Variants in NSD1 observed in about 807,000 individuals in gnomAD.
NSD1 encodes the protein histone-lysine N-methyltransferase, H3 lysine-36 specific.
Under a neutral mutation model 242.7 loss-of-function variants are expected in NSD1, and 26 were observed. That is an observed-to-expected ratio of 0.11 (90% CI 0.08 to 0.15). The LOEUF is 0.15. Among genes scored for constraint, NSD1 ranks in the 10% least tolerant of loss-of-function variants. The probability of loss-of-function intolerance (pLI) is 1.00; values close to 1 mark genes in which losing one functional copy is unlikely to be tolerated. For missense variants in NSD1, 2,495 were observed against 3,272.8 expected, an observed-to-expected ratio of 0.76 and a Z score of 5.80; for synonymous variants, 1,106 against 1,178.1, an observed-to-expected ratio of 0.94 and a Z score of 1.25.
intron 2 of NSD1, among the ~76,000 whole-genome samples, chr5:177,156,815 C>T (rs894256639): frequency 6.6e-6 from 1 of 151,822 alleles, no homozygotes; most frequent in African/African-American, 2.4e-5. Context: ...GGCAGATCTT[C>T]TGAGGTCAGG....
intron 17 of NSD1, among the ~76,000 whole-genome samples, chr5:177,278,801 A>G (rs1268548602): frequency 6.6e-6 from 1 of 152,256 alleles, no homozygotes; most frequent in Non-Finnish European, 1.5e-5. Flanking sequence ...TTAGAAGACT[A>G]AATTTGACTG....
At chr5:177,169,216 A>G (rs553963186) in intron 2 of NSD1, among the ~76,000 whole-genome samples, 9 of 152,088 alleles carry the variant, frequency 5.9e-5, no homozygotes, top group East Asian at 1.9e-4. Flanking sequence ...GCTTAAGTCT[A>G]TCCACTGAGC....
chr5:177,223,837 G>A lies in NSD1; in HGVS notation c.3796+11642G>A, dbSNP rs565509515. Among the ~76,000 whole-genome samples, 10 of 151,276 alleles carry A rather than the reference G, an allele frequency of 6.6e-5. No homozygotes were observed. In the East Asian group the frequency reaches 2.0e-3, roughly 30 times the overall value. On this transcript the variant is annotated intron_variant, in intron 5 of 22. Transcript: ENST00000439151. ...CTCATCTCTACTAAAAATACAAAAAGTAGTCAGGTGTAGTGACACATGCCT... is the reference window on the plus strand; with the variant it reads ...CTCATCTCTACTAAAAATACAAAAAATAGTCAGGTGTAGTGACACATGCCT...
At chr5:177,133,723 G>C (rs893912267), upstream of NSD1, 6 of 148,434 alleles carry the variant, frequency 4.0e-5, no homozygotes, top group African/African-American at 1.5e-4. This position sits in a 1 kb window ranked among gnomAD's most constrained non-coding sequence, Gnocchi z 6.2. Context: ...CGAGGCGCTC[G>C]GTCGCACGCG....
At chr5:177,202,701 G>A (rs1000691384) in intron 3 of NSD1, among the ~76,000 whole-genome samples, 1 of 152,110 alleles carries the variant, frequency 6.6e-6, no homozygotes, top group Admixed American at 6.6e-5. Context: ...TGACTCATGG[G>A]AGAGTGATTT....
At chr5:177,230,776 G>C (rs934283501) in intron 5 of NSD1, among the ~76,000 whole-genome samples, 2 of 150,000 alleles carry the variant, frequency 1.3e-5, no homozygotes, top group African/African-American at 4.9e-5. Flanking sequence ...GCTGTGAGCC[G>C]AGATCACACC....
chr5:177,271,172 C>T (rs182131947), intron 16 of NSD1, among the ~76,000 whole-genome samples: 30 of 152,178 alleles, frequency 2.0e-4, no homozygotes, highest in Non-Finnish European at 3.5e-4. Flanking sequence ...GAAATAGATA[C>T]CAGCAGTCGA....
intron 3 of NSD1, among the ~76,000 whole-genome samples, chr5:177,197,591 C>T (rs1762199493): frequency 2.0e-5 from 3 of 152,206 alleles, no homozygotes; most frequent in African/African-American, 4.8e-5. Context: ...CACTGCACTC[C>T]AGCCTGGGCG....
rs558302421 is a variant in NSD1, at chr5:177,135,870, C to T, written c.767C>T (p.Ala256Val). Residue 256 changes from alanine to valine, a missense_variant, in exon 2 of 23, where the codon GCC becomes GTC. Ala to Val is a moderately conservative substitution (Grantham distance 64). Around this residue, in one of 19 missense-constraint regions of NSD1, gnomAD observed 376 missense variants for 367.4 expected, o/e 1.02. Transcript: ENST00000439151. ...GSNEKAALLP[A>V]PFSLGDTNIT... Reference sequence around the variant, plus strand: ...AATGAAAAAGCAGCCCTTCTCCCAGCCCCCTTTTCACTAGGAGACACAAAC... The same window carrying T: ...AATGAAAAAGCAGCCCTTCTCCCAGTCCCCTTTTCACTAGGAGACACAAAC... 4.5e-5 allele frequency: 72 copies of T among 1,606,732 alleles called. No individual in the cohort carries two copies. The highest frequency in any genetic ancestry group is 5.9e-5 in the Non-Finnish European group (69 of 1,174,542).
intron 14 of NSD1, chr5:177,266,508 C>T (rs1169957280): frequency 1.1e-5 from 7 of 628,820 alleles, no homozygotes; most frequent in African/African-American, 3.7e-5. Flanking sequence ...ACGTCATGCC[C>T]TCGACGTTCG....
At chr5:177,221,460 A>C (rs1000895050) in intron 5 of NSD1, among the ~76,000 whole-genome samples, 3 of 151,746 alleles carry the variant, frequency 2.0e-5, no homozygotes, top group African/African-American at 4.8e-5. Flanking sequence ...AATGTATATA[A>C]AACTCTTTTT....
intron 2 of NSD1, among the ~76,000 whole-genome samples, chr5:177,171,266 C>A (rs536500736): frequency 2.6e-5 from 4 of 151,614 alleles, no homozygotes; most frequent in Non-Finnish European, 4.4e-5. Context: ...AAGATCACGC[C>A]GCTGCACTCC....
chr5:177,291,186 A>C (rs1414464084), intron 21 of NSD1, among the ~76,000 whole-genome samples: 1 of 152,216 alleles, frequency 6.6e-6, no homozygotes, highest in East Asian at 1.9e-4. Flanking sequence ...GTGGACCTGA[A>C]GCTAATTTGA....
At chr5:177,265,485 G>T (rs762769143) in intron 14 of NSD1, 5 of 639,532 alleles carry the variant, frequency 7.8e-6, no homozygotes, top group Non-Finnish European at 1.4e-5. Context: ...CTGGGGGAGG[G>T]AGGGAGAGAG....
intron 2 of NSD1, among the ~76,000 whole-genome samples, chr5:177,186,386 A>G (rs953918465): frequency 3.3e-5 from 5 of 152,030 alleles, no homozygotes; most frequent in Non-Finnish European, 7.4e-5. Context: ...ATTGATAGCC[A>G]ATGACTATAT....
chr5:177,239,237 T>C (rs1295852545), intron 7 of NSD1, among the ~76,000 whole-genome samples: 1 of 152,214 alleles, frequency 6.6e-6, no homozygotes, highest in Non-Finnish European at 1.5e-5. Context: ...ATAAAAAAGA[T>C]TTTTGAAAGA....
intron 2 of NSD1, among the ~76,000 whole-genome samples, chr5:177,144,139 A>G (rs940861919): frequency 1.3e-5 from 2 of 152,192 alleles, no homozygotes; most frequent in African/African-American, 4.8e-5. Context: ...GTAGGTGTGC[A>G]GTAAGTGATG....
rs369449613 is a variant in NSD1 at position 177,212,473 on chromosome 5, CTTTCTCTCTCTCTCT to C, written c.3796+282_3796+296del. Among the ~76,000 whole-genome samples the C allele has an allele frequency of 0.058, 8,297 of 143,046 alleles. 473 individuals carry two copies. Among genetic ancestry groups the C allele is most frequent in the African/African-American group, 0.18 (6,397 of 36,114 alleles). The allele number at this position is 143,046 out of a possible 152,430, so 93.8% of individuals were successfully genotyped here. ...TTTCTTTCTCACTTTCTCTCTCTCT[CTTTCTCTCTCTCTCT>C]TTTTTTTTTTTTTCTAATTTTTTTT... On this transcript the variant is annotated intron_variant, in intron 5 of 22. Coordinates refer to ENST00000439151, the MANE Select transcript of NSD1 (RefSeq NM_022455.5).
At position 177,294,815 on chromosome 5, in the gene NSD1, A is replaced by C. The variant is rs1351029751; in HGVS notation, c.7447A>C (p.Met2483Leu). 3.1e-6 allele frequency: 5 copies of C among 1,612,834 alleles called. No individual in the cohort carries two copies. In the Admixed American group the frequency reaches 8.3e-5, roughly 27 times the overall value. Residue 2483 changes from methionine to leucine, a missense_variant, in exon 23 of 23, where the codon ATG (methionine) becomes CTG (leucine). By Grantham distance (15) the Met-to-Leu change is conservative. Transcript: ENST00000439151. Reference protein sequence around the residue: ...HQVTPQADEKMPVLESSSWPA... With the variant: ...HQVTPQADEKLPVLESSSWPA... ...GGTCACACCACAGGCTGATGAGAAGATGCCAGTGTTGGAGTCAAGTTCATG... is the reference window on the plus strand; with the variant it reads ...GGTCACACCACAGGCTGATGAGAAGCTGCCAGTGTTGGAGTCAAGTTCATG...
Sources: allele counts gnomAD v4.1 joint callset (sites outside exome capture counted in the v4.1 genomes callset), GRCh38; gene constraint gnomAD v4.1.1; regional missense constraint gnomAD v4.1.1; non-coding constraint Gnocchi (gnomAD v3.1); transcripts MANE v1.5; gene names NCBI Gene and HGNC (gene_info 2026-07-23, HGNC 2026-07-21).